Variants in SHOX observed in about 807,000 individuals in gnomAD.
SHOX encodes the protein short stature homeobox protein.
In SHOX, 12 loss-of-function variants were observed where a neutral mutation model predicts 29.6. The observed-to-expected ratio is 0.41, with a 90% CI of 0.26 to 0.66. The LOEUF is 0.66. Ranked by LOEUF, SHOX falls within the 30% of genes least tolerant of loss-of-function variation. The pLI is 0.35. For synonymous variants in SHOX, 214 were observed against 200.6 expected (o/e 1.07, Z -0.57); for missense variants, 499 against 437.7 (o/e 1.14, Z -1.25).
At chrX:637,957 T>C (rs1335740454) in intron 2 of SHOX, among the ~76,000 whole-genome samples, 2 of 152,220 alleles carry the variant, frequency 1.3e-5, no homozygotes, top group Admixed American at 6.5e-5. Context: ...TCGAAAGTTA[T>C]GAGACCACGG....
upstream of SHOX, among the ~76,000 whole-genome samples, chrX:628,215 C>G (rs1191683974): frequency 1.3e-4 from 16 of 122,692 alleles, no homozygotes; most frequent in Admixed American, 6.7e-4. Context: ...CTCTCCCTGT[C>G]CGTGTCGCTC....
intron 1 of SHOX, among the ~76,000 whole-genome samples, chrX:633,618 C>G (rs1217198078): frequency 1.3e-5 from 2 of 152,090 alleles, no homozygotes; most frequent in African/African-American, 2.4e-5. Flanking sequence ...CTTGCCTGTG[C>G]CCCTTTGAGA....
intron 2 of SHOX, among the ~76,000 whole-genome samples, chrX:639,514 T>C (rs2052812686): frequency 6.6e-6 from 1 of 152,196 alleles, no homozygotes; most frequent in Admixed American, 6.5e-5. Flanking sequence ...CCCTCTCCGT[T>C]TGTGGCTAAA....
rs1482684146 is a variant in SHOX at position 650,474 on chromosome X, G to A, written c.*5838G>A. Among the ~76,000 whole-genome samples, 2 of 152,094 alleles carry A rather than the reference G, an allele frequency of 1.3e-5. No individual in the cohort carries two copies. The highest frequency in any genetic ancestry group is 4.2e-4 in the South Asian group (2 of 4,808). The stretch of plus-strand genomic sequence containing the variant: ...CCGCAGAGTCTGGGGACAGCTGGGC[G>A]TTTAACCGAAATGAAGCCGAGACGG... On this transcript the variant is annotated 3_prime_UTR_variant, in exon 5 of 5. Coordinates refer to ENST00000686671, the MANE Select transcript of SHOX (RefSeq NM_000451.4).
intron 1 of SHOX, chrX:631,943 G>A: frequency 2.2e-6 from 1 of 456,098 alleles, no homozygotes; most frequent in South Asian, 1.5e-5. Flanking sequence ...AGCGCTCAGC[G>A]CCTGCCGGGC....
At chrX:640,383 G>A (rs2052830606) in intron 2 of SHOX, among the ~76,000 whole-genome samples, 1 of 151,742 alleles carries the variant, frequency 6.6e-6, no homozygotes. Flanking sequence ...CAAGAGACCA[G>A]CCTGGCCAAC....
rs1477023442 is a variant in SHOX, at chrX:650,103, A to T, written c.*5467A>T. On this transcript the variant is annotated 3_prime_UTR_variant, in exon 5 of 5. Coordinates refer to ENST00000686671, the MANE Select transcript of SHOX (RefSeq NM_000451.4). ...CTGGTGGCCGTTGGGGTGTTGTTTCACAGGCAGTGGTGACAGGGCCCCTTG... is the reference window on the plus strand; with the variant it reads ...CTGGTGGCCGTTGGGGTGTTGTTTCTCAGGCAGTGGTGACAGGGCCCCTTG... The T allele has an allele frequency of 8.6e-5, 38 of 441,630 alleles. No homozygotes were observed. Among genetic ancestry groups the T allele is most frequent in the Admixed American group, 3.6e-4 (15 of 41,598 alleles). 27.4% of individuals were successfully genotyped at this position (441,630 alleles called of 1,614,324 possible). A position where few individuals can be genotyped will look rare whatever the true frequency, so the allele number is the denominator to read the frequency against.
At chrX:628,222 G>C (rs1331031969), upstream of SHOX, among the ~76,000 whole-genome samples, 1 of 50,392 alleles carries the variant, frequency 2.0e-5, no homozygotes, top group Non-Finnish European at 4.3e-5. Flanking sequence ...TGTCCGTGTC[G>C]CTCTTTCTCT....
In SHOX at chrX:644,519, C is replaced by A. The variant is rs774871453; in HGVS notation, c.762C>A (p.Ala254=). 1.6e-5 allele frequency: 25 copies of A among 1,519,400 alleles called. No individual in the cohort carries two copies. The South Asian group carries it at 3.0e-4, about 18-fold the overall frequency. 94.1% of individuals were successfully genotyped at this position (1,519,400 alleles called of 1,614,324 possible). A position where few individuals can be genotyped will look rare whatever the true frequency, so the allele number is the denominator to read the frequency against. ...TCGGGCTGCCCATCGCGTCGCTGGC[C>A]GAGTCCGCCTCGGCCGCCGCCGTGG... The part of the protein sequence containing the change: ...PPFGLPIASL[A]ESASAAAVVA... The change falls in exon 5 of 5, where the codon GCC becomes GCA. Residue 254 remains alanine, a synonymous_variant. Transcript: ENST00000686671.
Position 649,291 on chromosome X carries a change from A to C in SHOX, c.*4655A>C, listed in dbSNP as rs28643351. On this transcript the variant is annotated 3_prime_UTR_variant, in exon 5 of 5. Transcript: ENST00000686671. Reference sequence around the variant, plus strand: ...TGACCTCACATGATCCACCCGCCTCAGCCTCCCAGAGTGCTGGGATTACGG... The same window carrying C: ...TGACCTCACATGATCCACCCGCCTCCGCCTCCCAGAGTGCTGGGATTACGG... 4.0e-5 allele frequency among the ~76,000 whole-genome samples: 6 copies of C among 151,856 alleles called. No individual in the cohort carries two copies. The highest frequency in any genetic ancestry group is 3.9e-4 in the Admixed American group (6 of 15,240).
At chrX:628,248 T>C (rs1201319082), upstream of SHOX, among the ~76,000 whole-genome samples, 2 of 119,268 alleles carry the variant, frequency 1.7e-5, no homozygotes, top group Admixed American at 8.4e-5. Flanking sequence ...CATCTCCCAG[T>C]CTCTCCCTTT....
chrX:631,388 G>T (rs1043100277), intron 1 of SHOX, among the ~76,000 whole-genome samples: 6 of 152,334 alleles, frequency 3.9e-5, no homozygotes, highest in Middle Eastern at 3.4e-3. Context: ...GGTGCGGGGG[G>T]ACCCAGGGAG....
rs759067813 is a variant in SHOX at position 644,377 on chromosome X, G to T, written c.634-14G>T. The T allele has an allele frequency of 1.3e-4, 204 of 1,518,042 alleles. 1 individual carries two copies. The African/African-American group carries it at 2.5e-3, about 19-fold the overall frequency. The allele number at this position is 1,518,042 out of a possible 1,614,324, so 94.0% of individuals were successfully genotyped here. On this transcript the variant is annotated splice_polypyrimidine_tract_variant and intron_variant, in intron 4 of 4. Coordinates refer to ENST00000686671, the MANE Select transcript of SHOX (RefSeq NM_000451.4). ...CCATCCTGCGCCCTCACCCCGCCGGGTCCGCTCCCGCAGGTCCAGGCTCAG... is the reference window on the plus strand; with the variant it reads ...CCATCCTGCGCCCTCACCCCGCCGGTTCCGCTCCCGCAGGTCCAGGCTCAG...
upstream of SHOX, among the ~76,000 whole-genome samples, chrX:629,895 G>A (rs185094063): frequency 6.9e-3 from 1,056 of 152,288 alleles, 15 homozygotes; most frequent in African/African-American, 0.025. Flanking sequence ...GGGAGGGAGC[G>A]AGCAGGAGCA....
chrX:627,928 G>C (rs1410384017), upstream of SHOX, among the ~76,000 whole-genome samples: 1 of 152,126 alleles, frequency 6.6e-6, no homozygotes, highest in African/African-American at 2.4e-5. Flanking sequence ...GCAGTCCCTG[G>C]GGACCCAGTT....
intron 4 of SHOX, 143 bp from the exon 5 acceptor site, chrX:644,248 G>C (rs1015426441): frequency 2.3e-5 from 25 of 1,083,456 alleles, no homozygotes; most frequent in Non-Finnish European, 3.1e-5. Context: ...GGAAAGGCGG[G>C]TGTGGGGTGG....
intron 2 of SHOX, among the ~76,000 whole-genome samples, chrX:635,457 G>A (rs1354222412): frequency 1.3e-5 from 2 of 152,044 alleles, no homozygotes; most frequent in Admixed American, 6.5e-5. Context: ...TTCACCTACC[G>A]TTTCTATCTC....
upstream of SHOX, among the ~76,000 whole-genome samples, chrX:629,088 C>T (rs1238973757): frequency 8.8e-6 from 1 of 114,216 alleles, no homozygotes; most frequent in African/African-American, 3.5e-5. Context: ...TCTCTCTCTC[C>T]ATCTCTCTCT....
intron 2 of SHOX, among the ~76,000 whole-genome samples, chrX:638,706 C>A (rs962776597): frequency 2.0e-5 from 3 of 152,214 alleles, no homozygotes; most frequent in East Asian, 3.9e-4. Flanking sequence ...CCTGGCTGCT[C>A]CCAAACTCTG....
Sources: gnomAD v4.1 joint callset for allele counts (sites outside exome capture counted in the v4.1 genomes callset) on GRCh38, gnomAD v4.1.1 for gene constraint, MANE v1.5 for transcripts, NCBI Gene and HGNC (gene_info 2026-07-23, HGNC 2026-07-21) for gene names.